The following CADM2 variants were observed in gnomAD, a reference collection of about 807,000 sequenced individuals.
CADM2 encodes cell adhesion molecule 2, also known as immunoglobulin superfamily member 4D.
In CADM2, 12 loss-of-function variants were observed where a neutral mutation model predicts 49.8. The ratio of observed to expected loss-of-function variants is 0.24; its 90% CI spans 0.15 to 0.39. The LOEUF (loss-of-function observed/expected upper bound fraction) is 0.39. Among genes scored for constraint, CADM2 ranks in the 10% least tolerant of loss-of-function variants. The probability of loss-of-function intolerance (pLI) is 1.00; values close to 1 mark genes in which losing one functional copy is unlikely to be tolerated. For synonymous variants in CADM2, 214 were observed against 175.4 expected, an observed-to-expected ratio of 1.22 and a Z score of -1.74; for missense variants, 378 against 492.3, an observed-to-expected ratio of 0.77 and a Z score of 2.20.
At chr3:85,196,678 C>T (rs558172477) in intron 1 of CADM2, among the ~76,000 whole-genome samples, 9 of 151,996 alleles carry the variant, frequency 5.9e-5, no homozygotes, top group African/African-American at 2.2e-4. Context: ...CAGGAAAACT[C>T]ATTGTGTGAA....
intron 1 of CADM2, among the ~76,000 whole-genome samples, chr3:85,396,481 T>A (rs1039689633): frequency 6.6e-6 from 1 of 152,032 alleles, no homozygotes; most frequent in Non-Finnish European, 1.5e-5. Context: ...TTCTTTACAC[T>A]ATATTTTAAA....
chr3:85,733,138 G>A (rs909169138), intron 2 of CADM2, among the ~76,000 whole-genome samples: 10 of 152,170 alleles, frequency 6.6e-5, no homozygotes, highest in Non-Finnish European at 1.2e-4. Context: ...TTCTAGGTCT[G>A]TCATTCACTT....
intron 1 of CADM2, among the ~76,000 whole-genome samples, chr3:85,205,397 C>T (rs1289456876): frequency 6.6e-6 from 1 of 152,030 alleles, no homozygotes; most frequent in East Asian, 1.9e-4. Context: ...AGCATGATTT[C>T]TATCTAGGAC....
chr3:85,286,663 G>T (rs1048344090), intron 1 of CADM2, among the ~76,000 whole-genome samples: 1 of 152,040 alleles, frequency 6.6e-6, no homozygotes, highest in Non-Finnish European at 1.5e-5. Context: ...TTTTAACTTT[G>T]TAGTTTTAAA....
chr3:85,542,334 T>C (rs2061569426), intron 1 of CADM2, among the ~76,000 whole-genome samples: 1 of 152,162 alleles, frequency 6.6e-6, no homozygotes, highest in African/African-American at 2.4e-5. Flanking sequence ...TAAACATTAA[T>C]GAAATTGATT....
At chr3:85,563,013 A>G (rs906232158) in intron 1 of CADM2, among the ~76,000 whole-genome samples, 1 of 152,222 alleles carries the variant, frequency 6.6e-6, no homozygotes, top group Non-Finnish European at 1.5e-5. Flanking sequence ...TTTGGTGTCT[A>G]TCTTCTTGGT....
At chr3:85,448,221 T>C (rs529354183) in intron 1 of CADM2, among the ~76,000 whole-genome samples, 17 of 150,688 alleles carry the variant, frequency 1.1e-4, no homozygotes, top group Admixed American at 3.3e-4. Context: ...TAGTCCCAAC[T>C]ACTGGGGAGG....
At chr3:85,393,784 CTTAT>C (rs2034634156) in intron 1 of CADM2, among the ~76,000 whole-genome samples, 1 of 151,810 alleles carries the variant, frequency 6.6e-6, no homozygotes, top group African/African-American at 2.4e-5. Context: ...CATATTTGCT[CTTAT>C]TTATTATCAA....
intron 2 of CADM2, among the ~76,000 whole-genome samples, chr3:85,732,013 C>T (rs1448291539): frequency 1.4e-5 from 2 of 146,602 alleles, no homozygotes; most frequent in Non-Finnish European, 3.0e-5. Context: ...TTTTGGAGGC[C>T]AAGGCAAGTG....
At chr3:85,412,479 CA>C (rs901972083) in intron 1 of CADM2, among the ~76,000 whole-genome samples, 46 of 151,384 alleles carry the variant, frequency 3.0e-4, no homozygotes, top group African/African-American at 1.1e-3. Flanking sequence ...GGCATATGAC[CA>C]GTTTGTATTT....
At chr3:85,621,800 C>G (rs1247838048) in intron 1 of CADM2, among the ~76,000 whole-genome samples, 2 of 152,142 alleles carry the variant, frequency 1.3e-5, no homozygotes, top group East Asian at 1.9e-4. Context: ...ACAAACCCAG[C>G]TCTGGTCTGA....
At chr3:85,511,562 T>C (rs1282803069) in intron 1 of CADM2, among the ~76,000 whole-genome samples, 1 of 152,110 alleles carries the variant, frequency 6.6e-6, no homozygotes, top group Non-Finnish European at 1.5e-5. Flanking sequence ...CAATGTTTTT[T>C]ATTTGATACA....
At chr3:84,972,704 T>C (rs1239136923) in intron 1 of CADM2, among the ~76,000 whole-genome samples, 1 of 152,210 alleles carries the variant, frequency 6.6e-6, no homozygotes, top group Non-Finnish European at 1.5e-5. Flanking sequence ...TCATAGCCTT[T>C]GGTTTTCTGA....
intron 1 of CADM2, among the ~76,000 whole-genome samples, chr3:85,069,139 G>C (rs958856634): frequency 2.1e-4 from 32 of 151,780 alleles, no homozygotes; most frequent in African/African-American, 7.0e-4. Context: ...CTAAATTACT[G>C]TGGGCAAAAC....
intron 1 of CADM2, among the ~76,000 whole-genome samples, chr3:85,258,139 T>C (rs2042931979): frequency 6.6e-6 from 1 of 152,086 alleles, no homozygotes; most frequent in Non-Finnish European, 1.5e-5. Flanking sequence ...CAGCTCAGCC[T>C]ACCTGAGTGG....
intron 1 of CADM2, among the ~76,000 whole-genome samples, chr3:85,436,486 T>A (rs942826818): frequency 2.0e-5 from 3 of 152,128 alleles, no homozygotes; most frequent in Non-Finnish European, 2.9e-5. Flanking sequence ...CCTTGTCTTG[T>A]GCCGGTTTTC....
intron 8 of CADM2, among the ~76,000 whole-genome samples, chr3:86,051,460 G>T (rs1309317603): frequency 1.2e-4 from 18 of 151,962 alleles, no homozygotes; most frequent in Non-Finnish European, 1.5e-5. Flanking sequence ...TTCCAGCCTC[G>T]CCTATTACCA....
At chr3:85,446,251 A>G (rs1013786319) in intron 1 of CADM2, among the ~76,000 whole-genome samples, 5 of 152,188 alleles carry the variant, frequency 3.3e-5, no homozygotes, top group Non-Finnish European at 1.5e-5. Flanking sequence ...CAGTGATACA[A>G]AATAAAGGTG....
chr3:85,212,941 C>T (rs756292953), intron 1 of CADM2, among the ~76,000 whole-genome samples: 6 of 149,812 alleles, frequency 4.0e-5, no homozygotes, highest in East Asian at 3.9e-4. Context: ...AGTGCAATGG[C>T]GCAATCTCCG....
Sources: gnomAD v4.1 joint callset for allele counts (sites outside exome capture counted in the v4.1 genomes callset) on GRCh38, gnomAD v4.1.1 for gene constraint, MANE v1.5 for transcripts, NCBI Gene and HGNC (gene_info 2026-07-23, HGNC 2026-07-21) for gene names.